The following NREP variants were observed in gnomAD, a reference collection of about 807,000 sequenced individuals.
The protein encoded by NREP is neuronal regeneration related protein, also known as neuronal regeneration-related protein.
A neutral mutation model predicts 8.6 loss-of-function variants in NREP; 5 were observed. The ratio of observed to expected loss-of-function variants is 0.58; its 90% CI spans 0.30 to 1.22. NREP has a LOEUF of 1.22. NREP is among the 50% of genes most tolerant of loss of function. The probability of loss-of-function intolerance (pLI) is 0.07; values close to 1 mark genes in which losing one functional copy is unlikely to be tolerated. For missense variants in NREP, 86 were observed against 82.5 expected (o/e 1.04, Z -0.17); for synonymous variants, 27 against 28.0 (o/e 0.96, Z 0.11).
chr5:111,956,152 G>C (rs1561367209), intron 2 of NREP, among the ~76,000 whole-genome samples: 1 of 152,040 alleles, frequency 6.6e-6, no homozygotes, highest in Non-Finnish European at 1.5e-5. Flanking sequence ...TCCTCAAAGG[G>C]AAACCTCTAC....
intron 2 of NREP, among the ~76,000 whole-genome samples, chr5:111,816,995 T>A (rs1317523412): frequency 6.6e-6 from 1 of 152,130 alleles, no homozygotes; most frequent in Admixed American, 6.5e-5. Context: ...GAATTTGGAA[T>A]ATATTCAACC....
intron 2 of NREP, among the ~76,000 whole-genome samples, chr5:111,932,057 G>A (rs1755552743): frequency 6.6e-6 from 1 of 151,476 alleles, no homozygotes; most frequent in Non-Finnish European, 1.5e-5. Context: ...AAAAAGAGTG[G>A]GGGAGACTTT....
intron 2 of NREP, among the ~76,000 whole-genome samples, chr5:111,949,342 C>T (rs2112631151): frequency 6.8e-6 from 1 of 146,528 alleles, no homozygotes; most frequent in African/African-American, 2.5e-5. Flanking sequence ...AAAAGACATT[C>T]AAAATTAAAA....
intron 3 of NREP, chr5:111,731,917 C>G (rs1250291247): frequency 1.3e-5 from 2 of 152,376 alleles, no homozygotes; most frequent in Non-Finnish European, 2.9e-5. Context: ...CACACCTGCC[C>G]ACATGATGCA....
At chr5:111,963,402 A>G (rs949866863) in intron 2 of NREP, among the ~76,000 whole-genome samples, 2 of 152,246 alleles carry the variant, frequency 1.3e-5, no homozygotes, top group Non-Finnish European at 2.9e-5. Context: ...CAGGCCTTAG[A>G]CCAAAATATA....
intron 2 of NREP, among the ~76,000 whole-genome samples, chr5:111,867,475 C>T (rs1466254457): frequency 6.6e-6 from 1 of 152,106 alleles, no homozygotes; most frequent in Non-Finnish European, 1.5e-5. Context: ...GATTAGGACC[C>T]CACCCTTATG....
chr5:111,757,234 G>GC (rs1354508664), upstream of NREP: 1 of 562,342 alleles, frequency 1.8e-6, no homozygotes, highest in Non-Finnish European at 2.2e-6. Flanking sequence ...CAGATTGGGG[G>GC]GGGAGGGGGG....
At chr5:111,888,553 T>C (rs1754318558) in intron 2 of NREP, among the ~76,000 whole-genome samples, 1 of 152,156 alleles carries the variant, frequency 6.6e-6, no homozygotes, top group Non-Finnish European at 1.5e-5. Flanking sequence ...AGTCCCACCT[T>C]TGACATGTGG....
intron 2 of NREP, among the ~76,000 whole-genome samples, chr5:111,882,205 T>C (rs1481947039): frequency 1.3e-5 from 2 of 152,190 alleles, no homozygotes; most frequent in African/African-American, 2.4e-5. Context: ...GGAGCCGATG[T>C]GATCAACTGG....
intron 2 of NREP, among the ~76,000 whole-genome samples, chr5:111,773,211 A>C (rs1044991991): frequency 6.6e-6 from 1 of 152,162 alleles, no homozygotes; most frequent in Non-Finnish European, 1.5e-5. Flanking sequence ...AACCAAAAAA[A>C]GGAGAGAAGA....
At chr5:111,756,256 A>T in intron 1 of NREP, 1 of 949,756 alleles carries the variant, frequency 1.1e-6, no homozygotes, top group Non-Finnish European at 1.2e-6. Context: ...CAGAGTGGAT[A>T]TTTTTGGAAA....
rs146433761 is a variant in NREP, at chr5:111,801,869, G to C, written c.136-66362C>G. 2.7e-3 allele frequency among the ~76,000 whole-genome samples: 413 copies of C among 152,248 alleles called. 2 individuals are homozygous for C. The highest frequency in any genetic ancestry group is 9.7e-3 in the African/African-American group (402 of 41,556). On this transcript the variant is annotated intron_variant, in intron 2 of 3. Coordinates refer to the NREP transcript ENST00000395634. The stretch of plus-strand genomic sequence containing the variant: ...GACAGATCATGGGAAAGGAGGAAAA[G>C]CTCTCTGTTCTTGTATTTTTATCGG...
At chr5:111,756,460 G>T (rs43180) in intron 1 of NREP, among the ~76,000 whole-genome samples, 47,158 of 151,816 alleles carry the variant, frequency 0.31, 9,024 homozygotes, top group South Asian at 0.43. Flanking sequence ...TGTTAACACA[G>T]TTATGACAAA....
chr5:111,975,305 T>C, exon 2 of NREP: 1 of 1,551,606 alleles, frequency 6.4e-7, no homozygotes, highest in Non-Finnish European at 8.7e-7. Flanking sequence ...GCAGTGAACC[T>C]GGAAACATTT....
chr5:111,975,176 A>G, intron 2 of NREP: 2 of 791,720 alleles, frequency 2.5e-6, no homozygotes, highest in Non-Finnish European at 4.2e-6. Context: ...GGTGGGAATG[A>G]CTGCACCAGT....
chr5:111,933,739 A>G (rs1383991250), intron 2 of NREP, among the ~76,000 whole-genome samples: 1 of 152,136 alleles, frequency 6.6e-6, no homozygotes, highest in East Asian at 1.9e-4. Flanking sequence ...CAGAATTTCT[A>G]TGAACGAAAG....
chr5:111,891,568 G>C (rs1197771266), intron 2 of NREP, among the ~76,000 whole-genome samples: 4 of 152,168 alleles, frequency 2.6e-5, no homozygotes, highest in African/African-American at 9.7e-5. Flanking sequence ...CTGCTATAAA[G>C]AAATAACTTA....
chr5:111,845,216 G>T (rs556871291), intron 2 of NREP, among the ~76,000 whole-genome samples: 17 of 151,982 alleles, frequency 1.1e-4, no homozygotes, highest in African/African-American at 4.1e-4. Flanking sequence ...TGCACTGTGT[G>T]GGCTTGGGGT....
At chr5:111,866,595 CAGGGATCT>C (rs1428827990) in intron 2 of NREP, among the ~76,000 whole-genome samples, 1 of 152,112 alleles carries the variant, frequency 6.6e-6, no homozygotes, top group Non-Finnish European at 1.5e-5. Context: ...GGCAATTCCT[CAGGGATCT>C]AGAACTAGAA....
Sources: gnomAD v4.1 joint callset for allele counts (sites outside exome capture counted in the v4.1 genomes callset) on GRCh38, gnomAD v4.1.1 for gene constraint, MANE v1.5 for transcripts, NCBI Gene and HGNC (gene_info 2026-07-23, HGNC 2026-07-21) for gene names.